KIF1A: variants seen among roughly 807,000 people sequenced by gnomAD.
KIF1A encodes the protein kinesin-like protein KIF1A.
KIF1A carries 46 observed loss-of-function variants against 227.3 expected under a neutral mutation model. The observed-to-expected ratio is 0.20, with a 90% CI of 0.16 to 0.26. KIF1A has a LOEUF of 0.26. KIF1A is among the 10% of genes least tolerant of loss of function. The pLI is 1.00. For synonymous variants in KIF1A, 1,022 were observed against 1,012.8 expected (o/e 1.01, Z -0.17); for missense variants, 1,683 against 2,485.9 (o/e 0.68, Z 6.87).
rs1276267721 is a variant in KIF1A, at chr2:240,793,568, C to T, written c.106+4079G>A. 4.6e-5 allele frequency among the ~76,000 whole-genome samples: 7 copies of T among 152,274 alleles called. No individual in the cohort carries two copies. Among genetic ancestry groups the T allele is most frequent in the South Asian group, 2.1e-4 (1 of 4,828 alleles). ...AGAATGTGAGGAGAGAGGAGGAGGA[C>T]GGAAGCACTCACACTCAACTTCTGC... On this transcript the variant is annotated intron_variant, in intron 2 of 48. Coordinates refer to ENST00000498729, the MANE Select transcript of KIF1A (RefSeq NM_001244008.2). This position sits in a 1 kb window ranked among gnomAD's most constrained non-coding sequence, Gnocchi z 4.8.
At chr2:240,805,051 AG>A (rs2057274201) in intron 1 of KIF1A, among the ~76,000 whole-genome samples, 1 of 49,664 alleles carries the variant, frequency 2.0e-5, no homozygotes, top group East Asian at 8.3e-4. Flanking sequence ...GGAAGTGGGG[AG>A]GGAGAGGGGA....
intron 38 of KIF1A, chr2:240,728,239 C>A: frequency 2.2e-6 from 1 of 459,360 alleles, no homozygotes; most frequent in South Asian, 1.6e-5. Flanking sequence ...TGCTGTCGGA[C>A]ACATGTCACC....
At chr2:240,753,976 A>C (rs2049526800) in intron 27 of KIF1A, among the ~76,000 whole-genome samples, 1 of 152,106 alleles carries the variant, frequency 6.6e-6, no homozygotes, top group Non-Finnish European at 1.5e-5. Flanking sequence ...ACCCACTCTG[A>C]GTGGGCAATT....
At chr2:240,821,177 C>T (rs1360402447), upstream of KIF1A, among the ~76,000 whole-genome samples, 1 of 152,228 alleles carries the variant, frequency 6.6e-6, no homozygotes, top group Non-Finnish European at 1.5e-5. Flanking sequence ...CCCTGAACCC[C>T]GGGGCTGGGT....
chr2:240,791,557 G>C (rs965184888), intron 2 of KIF1A, among the ~76,000 whole-genome samples: 1 of 143,864 alleles, frequency 7.0e-6, no homozygotes, highest in South Asian at 2.3e-4. Flanking sequence ...CACTCAGGTC[G>C]GGCTCCCCGC....
intron 1 of KIF1A, among the ~76,000 whole-genome samples, 168 bp downstream of exon 1, chr2:240,819,954 T>G (rs909928253): frequency 6.6e-6 from 1 of 152,002 alleles, no homozygotes; most frequent in African/African-American, 2.4e-5. Context: ...GGTCTGGAAG[T>G]GAAGGGGCCT....
chr2:240,798,341 A>G (rs1478982411), intron 1 of KIF1A, among the ~76,000 whole-genome samples: 2 of 152,252 alleles, frequency 1.3e-5, no homozygotes, highest in Non-Finnish European at 2.9e-5. Context: ...CTCAGAAATG[A>G]AAAGAACAGC....
At chr2:240,782,392 C>T (rs540679482) in intron 10 of KIF1A, among the ~76,000 whole-genome samples, 198 bp downstream of exon 10, 3 of 152,246 alleles carry the variant, frequency 2.0e-5, no homozygotes, top group Admixed American at 6.5e-5. Context: ...CCGCCCCGGA[C>T]GCCCTCCGTC....
At chr2:240,814,138 A>G (rs1559551050) in intron 1 of KIF1A, among the ~76,000 whole-genome samples, 1 of 152,140 alleles carries the variant, frequency 6.6e-6, no homozygotes, top group Non-Finnish European at 1.5e-5. Flanking sequence ...AAAAGAAAAA[A>G]TGAAAAGGAG....
chr2:240,807,241 G>A (rs1189620696), intron 1 of KIF1A, among the ~76,000 whole-genome samples: 1 of 151,852 alleles, frequency 6.6e-6, no homozygotes, highest in Non-Finnish European at 1.5e-5. Flanking sequence ...TGCCTCCCGG[G>A]TTCAAGCGAT....
Position 240,718,132 on chromosome 2 carries a change from C to T in KIF1A, c.5251G>A (p.Gly1751Ser), listed in dbSNP as rs2044781488. 1.9e-6 allele frequency: 3 copies of T among 1,609,726 alleles called. No individual in the cohort carries two copies. Among genetic ancestry groups the T allele is most frequent in the Non-Finnish European group, 2.5e-6 (3 of 1,178,644 alleles). Reference protein sequence around the residue: ...NTFAVCTEHRGILLQAASDKD... With the variant: ...NTFAVCTEHRSILLQAASDKD... Reference sequence around the variant, plus strand: ...TCGCTGGCGGCCTGCAGCAGGATGCCGCGGTGTTCCGTGCACACCGCGAAT... The same window carrying T: ...TCGCTGGCGGCCTGCAGCAGGATGCTGCGGTGTTCCGTGCACACCGCGAAT... The change falls in exon 48 of 49, where the codon GGC (glycine) becomes AGC (serine). Residue 1751 changes from glycine (G) to serine (S), a missense_variant. Around this residue, in one of 12 missense-constraint regions of KIF1A, gnomAD observed 384 missense variants for 410.1 expected, o/e 0.94. Coordinates refer to ENST00000498729, the MANE Select transcript of KIF1A (RefSeq NM_001244008.2).
intron 1 of KIF1A, among the ~76,000 whole-genome samples, chr2:240,814,029 A>T (rs1048577909): frequency 2.6e-5 from 4 of 152,214 alleles, no homozygotes; most frequent in African/African-American, 9.6e-5. Context: ...AGATTCCAAA[A>T]ACCCTAGAAA....
intron 1 of KIF1A, among the ~76,000 whole-genome samples, chr2:240,807,756 A>T (rs1431084239): frequency 6.6e-6 from 1 of 152,236 alleles, no homozygotes; most frequent in Non-Finnish European, 1.5e-5. Flanking sequence ...TTCACTGATG[A>T]ACATAGGTAC....
At position 240,757,543 on chromosome 2, in the gene KIF1A, G is replaced by A. The variant is rs777482622; in HGVS notation, c.2634C>T (p.Ser878=). The stretch of plus-strand genomic sequence containing the variant: ...AGGGGGTGAGAGCAGCCATGCGCTC[G>A]CTCATGCATGTGTTGAGAAGAGGGT... ...NSYPLLNTCM[S]ERMAALTPSP... is the part of the protein sequence containing the mutation. Residue 878 remains serine, a synonymous_variant, in exon 27 of 49, where the codon AGC becomes AGT. Coordinates refer to ENST00000498729, the MANE Select transcript of KIF1A (RefSeq NM_001244008.2). The surrounding 1 kb of genome is among the most constrained non-coding windows in gnomAD (Gnocchi z 6.2). 9 of 1,550,562 alleles carry A rather than the reference G, an allele frequency of 5.8e-6. No homozygotes were observed. Among genetic ancestry groups the A allele is most frequent in the East Asian group, 2.4e-5 (1 of 40,898 alleles).
chr2:240,788,025 G>GCCCC lies in KIF1A; in HGVS notation c.363+22_363+25dup. 8 of 1,466,772 alleles carry GCCCC rather than the reference G, an allele frequency of 5.5e-6. No individual in the cohort carries two copies. Among genetic ancestry groups the GCCCC allele is most frequent in the Admixed American group, 3.9e-5 (2 of 50,754 alleles). 90.9% of individuals were successfully genotyped at this position (1,466,772 alleles called of 1,614,324 possible). A position where few individuals can be genotyped will look rare whatever the true frequency, so the allele number is the denominator to read the frequency against. On this transcript the variant is annotated intron_variant, in intron 4 of 48. Coordinates refer to ENST00000498729, the MANE Select transcript of KIF1A (RefSeq NM_001244008.2). The surrounding 1 kb of genome is among the most constrained non-coding windows in gnomAD (Gnocchi z 6.6). Reference sequence around the variant, plus strand: ...TGGTCCCGCCCCATCTGCCAGGGCTGCCCCCGCCCGCCCCCCGCTTCGTGC... The same window carrying GCCCC: ...TGGTCCCGCCCCATCTGCCAGGGCTGCCCCCCCCCGCCCGCCCCCCGCTTCGTGC...
At chr2:240,774,480 G>A (rs545554453) in intron 11 of KIF1A, among the ~76,000 whole-genome samples, 6 of 141,384 alleles carry the variant, frequency 4.2e-5, no homozygotes, top group South Asian at 2.2e-4. Context: ...ACCAGGCACC[G>A]CTATTATTTC....
rs1211461154 is a variant in KIF1A at position 240,761,235 on chromosome 2, T to C, written c.2259A>G (p.Lys753=). 6.2e-7 allele frequency: 1 copy of C among 1,611,992 alleles called. No homozygotes were observed. The highest frequency in any genetic ancestry group is 8.5e-7 in the Non-Finnish European group (1 of 1,178,726). The change falls in exon 24 of 49, where the codon AAA becomes AAG. Residue 753 remains lysine (K), a synonymous_variant. Transcript: ENST00000498729. ...CAGCCAGTGGGCAGCCCACCTTCTT[T>C]TTCAGCTCCACGCTGATGGCATTGG... ...KEANAISVEL[K]KKVQFQFVLL... is the part of the protein sequence containing the mutation.
intron 32 of KIF1A, 118 bp from the exon 33 acceptor site, chr2:240,744,178 C>T: frequency 1.4e-6 from 1 of 708,066 alleles, no homozygotes; most frequent in Admixed American, 2.1e-5. Flanking sequence ...CCTAGCTGGG[C>T]CCACGTCTGC....
Position 240,721,834 on chromosome 2 carries a change from G to C in KIF1A, c.4716C>G (p.His1572Gln), listed in dbSNP as rs375640417. 1.2e-6 allele frequency: 2 copies of C among 1,607,090 alleles called. No individual in the cohort carries two copies. The highest frequency in any genetic ancestry group is 1.7e-6 in the Non-Finnish European group (2 of 1,179,392). ...HTFNREYTHS[H>Q]VCVSASESKL... ...TGCTCTCGCTGGCACTGACGCAGACGTGGCTGTGTGTGTACTCTCTGTTGA... is the reference window on the plus strand; with the variant it reads ...TGCTCTCGCTGGCACTGACGCAGACCTGGCTGTGTGTGTACTCTCTGTTGA... Residue 1572 changes from histidine (H) to glutamine (Q), a missense_variant, in exon 44 of 49, where the codon CAC becomes CAG. Physicochemically the swap from His to Gln is conservative, Grantham distance 24. Around this residue, in one of 12 missense-constraint regions of KIF1A, gnomAD observed 384 missense variants for 410.1 expected, o/e 0.94. Coordinates refer to ENST00000498729, the MANE Select transcript of KIF1A (RefSeq NM_001244008.2).
Sources: gnomAD v4.1 joint callset for allele counts (sites outside exome capture counted in the v4.1 genomes callset) on GRCh38, gnomAD v4.1.1 for gene constraint, gnomAD v4.1.1 regional missense constraint, Gnocchi (gnomAD v3.1) non-coding constraint, MANE v1.5 for transcripts, NCBI Gene and HGNC (gene_info 2026-07-23, HGNC 2026-07-21) for gene names.